Variants in FBXL13 observed in about 807,000 individuals in gnomAD.
FBXL13 encodes F-box and leucine-rich repeat protein 13.
In FBXL13, 67 loss-of-function variants were observed where a neutral mutation model predicts 83.6. The ratio of observed to expected loss-of-function variants is 0.80; its 90% confidence interval spans 0.66 to 0.98. The LOEUF (loss-of-function observed/expected upper bound fraction) is 0.98. Among genes scored for constraint, FBXL13 ranks in the 50% least tolerant of loss-of-function variants. FBXL13 has a pLI of 0.00. For synonymous variants in FBXL13, 272 were observed against 299.5 expected (o/e 0.91, Z 0.95); for missense variants, 822 against 866.5 (o/e 0.95, Z 0.64).
At chr7:102,993,874 T>C (rs889216512) in intron 6 of FBXL13, among the ~76,000 whole-genome samples, 3 of 152,230 alleles carry the variant, frequency 2.0e-5, no homozygotes, top group Non-Finnish European at 4.4e-5. Flanking sequence ...CCAATCCAAA[T>C]TGCTGGTTTC....
At chr7:102,936,529 T>C (rs1448125998) in intron 8 of FBXL13, among the ~76,000 whole-genome samples, 1 of 152,240 alleles carries the variant, frequency 6.6e-6, no homozygotes, top group African/African-American at 2.4e-5. Flanking sequence ...GATATTGTTA[T>C]GGTGAGTCCT....
intron 10 of FBXL13, among the ~76,000 whole-genome samples, chr7:102,916,201 G>A (rs1425009918): frequency 6.6e-6 from 1 of 151,958 alleles, no homozygotes; most frequent in African/African-American, 2.4e-5. Context: ...TGGCCAGACT[G>A]GTCTCAAACT....
At chr7:103,023,754 AAAATGTGGTATATATATACATTG>A (rs1432797156) in intron 6 of FBXL13, among the ~76,000 whole-genome samples, 3 of 152,236 alleles carry the variant, frequency 2.0e-5, no homozygotes, top group Admixed American at 6.5e-5. Flanking sequence ...TGGATTTTTT[AAAATGTGGTATATATATACATTG>A]AAATACTATG....
At chr7:103,013,441 C>T (rs1306459802) in intron 6 of FBXL13, among the ~76,000 whole-genome samples, 1 of 152,136 alleles carries the variant, frequency 6.6e-6, no homozygotes, top group African/African-American at 2.4e-5. Context: ...ACCAAGCTCA[C>T]AGACAATGCA....
chr7:102,969,825 AGAGGGGAGGG>A (rs1349717452), intron 6 of FBXL13, among the ~76,000 whole-genome samples: 18 of 90,140 alleles, frequency 2.0e-4, no homozygotes, highest in African/African-American at 3.6e-4. Flanking sequence ...GAAAGGGAGG[AGAGGGGAGGG>A]GAGGGGAGGG....
At chr7:102,963,698 G>T in intron 7 of FBXL13, 33 bp from the exon 9 acceptor site, 3 of 1,569,044 alleles carry the variant, frequency 1.9e-6, no homozygotes, top group South Asian at 2.4e-5. Context: ...ATTAAGAAAT[G>T]AGAAAGTCCC....
At chr7:102,950,643 G>T (rs1823256369) in intron 8 of FBXL13, among the ~76,000 whole-genome samples, 1 of 151,986 alleles carries the variant, frequency 6.6e-6, no homozygotes, top group Non-Finnish European at 1.5e-5. Context: ...ATAAACTGTG[G>T]TATATTCAGA....
chr7:102,931,327 T>C (rs971346275), intron 9 of FBXL13, among the ~76,000 whole-genome samples: 1 of 152,180 alleles, frequency 6.6e-6, no homozygotes, highest in African/African-American at 2.4e-5. Context: ...GGTAGAGTAA[T>C]ATTAAAGAGC....
intron 2 of FBXL13, among the ~76,000 whole-genome samples, chr7:103,053,051 C>G (rs1276352439): frequency 6.6e-6 from 1 of 151,940 alleles, no homozygotes; most frequent in Non-Finnish European, 1.5e-5. Flanking sequence ...GCCACTGCGC[C>G]CAGCCGACAA....
intron 17 of FBXL13, among the ~76,000 whole-genome samples, chr7:102,839,399 C>T (rs995624451): frequency 1.3e-5 from 2 of 152,166 alleles, no homozygotes; most frequent in African/African-American, 4.8e-5. Context: ...GTCCCCTGGG[C>T]CCACTGTTCT....
chr7:102,943,257 T>A (rs1821801634), intron 8 of FBXL13, among the ~76,000 whole-genome samples: 1 of 152,118 alleles, frequency 6.6e-6, no homozygotes, highest in Non-Finnish European at 1.5e-5. Context: ...TTCATTTTTA[T>A]CTGCACTTGT....
At chr7:102,846,075 G>GA (rs1303153864) in intron 17 of FBXL13, among the ~76,000 whole-genome samples, 1 of 152,088 alleles carries the variant, frequency 6.6e-6, no homozygotes, top group African/African-American at 2.4e-5. Flanking sequence ...TTAATACATG[G>GA]AAAATACAAC....
Position 103,055,182 on chromosome 7 carries a change from T to A in FBXL13, c.-1+462A>T, listed in dbSNP as rs778234906. 1 of 1,267,884 alleles carries A rather than the reference T, an allele frequency of 7.9e-7. No homozygotes were observed. Among genetic ancestry groups the A allele is most frequent in the South Asian group, 1.3e-5 (1 of 78,392 alleles). The allele number at this position is 1,267,884 out of a possible 1,614,324, so 78.5% of individuals were successfully genotyped here. A position where few individuals can be genotyped will look rare whatever the true frequency, so the allele number is the denominator to read the frequency against. On this transcript the variant is annotated intron_variant, in intron 2 of 19. Coordinates refer to ENST00000313221, the Ensembl canonical transcript of FBXL13. ...TGATGGAGTAATGCACATATCCCTT[T>A]AATAACATCATAAAATACAGTCAAA...
chr7:102,944,396 A>AT (rs776469556), intron 8 of FBXL13: 2 of 1,614,116 alleles, frequency 1.2e-6, no homozygotes, highest in African/African-American at 2.7e-5. Context: ...TACAATGTCC[A>AT]TTTTAATGGC....
chr7:103,009,986 T>A (rs1048071803), intron 6 of FBXL13, among the ~76,000 whole-genome samples: 2 of 152,224 alleles, frequency 1.3e-5, no homozygotes, highest in African/African-American at 4.8e-5. Context: ...GCCCCACTTC[T>A]GTGTGAACTG....
At chr7:102,963,697 T>C (rs1281915401) in intron 7 of FBXL13, 32 bp from the exon 9 acceptor site, 11 of 1,570,850 alleles carry the variant, frequency 7.0e-6, no homozygotes, top group Admixed American at 2.1e-5. Flanking sequence ...CATTAAGAAA[T>C]GAGAAAGTCC....
intron 17 of FBXL13, among the ~76,000 whole-genome samples, chr7:102,843,006 G>A (rs1023868686): frequency 6.6e-6 from 1 of 152,156 alleles, no homozygotes; most frequent in African/African-American, 2.4e-5. Flanking sequence ...CCCTTATGCC[G>A]AATCCCTCCT....
At chr7:102,862,307 C>T (rs1404871610) in intron 16 of FBXL13, among the ~76,000 whole-genome samples, 3 of 134,538 alleles carry the variant, frequency 2.2e-5, no homozygotes, top group African/African-American at 8.5e-5. Flanking sequence ...CCAGTCTGGG[C>T]GACAGAGGGA....
intron 17 of FBXL13, among the ~76,000 whole-genome samples, chr7:102,838,291 G>A (rs949927538): frequency 2.0e-5 from 3 of 152,190 alleles, no homozygotes; most frequent in African/African-American, 4.8e-5. Flanking sequence ...ACTTCATAGA[G>A]TTGTTGGGGA....
Sources: allele counts gnomAD v4.1 joint callset (sites outside exome capture counted in the v4.1 genomes callset), GRCh38; gene constraint gnomAD v4.1.1; transcripts MANE v1.5; gene names NCBI Gene and HGNC (gene_info 2026-07-23, HGNC 2026-07-21).